Variants in PHC3 observed in about 807,000 individuals in gnomAD.
The protein encoded by PHC3 is polyhomeotic-like protein 3.
A neutral mutation model predicts 107.4 loss-of-function variants in PHC3; 13 were observed. The ratio of observed to expected loss-of-function variants is 0.12; its 90% CI spans 0.08 to 0.19. The LOEUF (loss-of-function observed/expected upper bound fraction) is 0.19. Ranked by LOEUF, PHC3 falls within the 10% of genes least tolerant of loss-of-function variation. PHC3 has a pLI of 1.00. For missense variants in PHC3, 992 were observed against 1,210.9 expected, an observed-to-expected ratio of 0.82 and a Z score of 2.68; for synonymous variants, 456 against 427.4, an observed-to-expected ratio of 1.07 and a Z score of -0.83.
intron 4 of PHC3, among the ~76,000 whole-genome samples, chr3:170,161,279 T>A (rs547578746): frequency 2.0e-5 from 3 of 152,184 alleles, no homozygotes; most frequent in Admixed American, 6.5e-5. Context: ...AAGGCTTACA[T>A]AAGATAAGGC....
chr3:170,119,684 T>C (rs1226943982), intron 9 of PHC3, among the ~76,000 whole-genome samples: 1 of 152,224 alleles, frequency 6.6e-6, no homozygotes, highest in Non-Finnish European at 1.5e-5. Context: ...TATCATTTAC[T>C]GAGCAAGAGA....
intron 8 of PHC3, chr3:170,128,236 A>T: frequency 2.2e-6 from 1 of 452,544 alleles, no homozygotes; most frequent in Non-Finnish European, 3.1e-6. Flanking sequence ...ATCCCCTAAA[A>T]GCCCAAGACT....
At chr3:170,125,508 C>A (rs2108439930) in intron 8 of PHC3, among the ~76,000 whole-genome samples, 1 of 152,272 alleles carries the variant, frequency 6.6e-6, no homozygotes, top group Non-Finnish European at 1.5e-5. Flanking sequence ...CTGAAACTCT[C>A]TTTAATCCTA....
chr3:170,157,364 G>C (rs1299040768), intron 4 of PHC3, among the ~76,000 whole-genome samples: 1 of 152,210 alleles, frequency 6.6e-6, no homozygotes, highest in Non-Finnish European at 1.5e-5. Flanking sequence ...AACCAACTAA[G>C]AAGACAGACG....
At position 170,090,096 on chromosome 3, in the gene PHC3, G is replaced by A. The variant is rs189894803; in HGVS notation, c.*7134C>T. On this transcript the variant is annotated 3_prime_UTR_variant, in exon 15 of 15. Transcript: ENST00000495893. ...TGTGAAATACGGGCTGTCTCAACCT[G>A]TAAGTCCTTAATGTTAAGTCTCCTA... 4 of 151,962 alleles carry A rather than the reference G, an allele frequency of 2.6e-5. No homozygotes were observed. Among genetic ancestry groups the A allele is most frequent in the Admixed American group, 2.6e-4 (4 of 15,276 alleles). 9.4% of individuals were successfully genotyped at this position (151,962 alleles called of 1,614,324 possible).
chr3:170,108,761 A>G (rs914572150), intron 11 of PHC3, among the ~76,000 whole-genome samples: 1 of 152,086 alleles, frequency 6.6e-6, no homozygotes, highest in African/African-American at 2.4e-5. Flanking sequence ...CTCAACCACC[A>G]CTGCCATTAG....
chr3:170,146,660 G>T (rs1373714980), intron 5 of PHC3, among the ~76,000 whole-genome samples: 1 of 149,770 alleles, frequency 6.7e-6, no homozygotes, highest in Non-Finnish European at 1.5e-5. Context: ...AGCTTCCCGA[G>T]TAGCTGGGAT....
intron 4 of PHC3, among the ~76,000 whole-genome samples, chr3:170,163,883 A>AGGC (rs1283845017): frequency 2.8e-5 from 4 of 141,436 alleles, no homozygotes; most frequent in African/African-American, 8.0e-5. Flanking sequence ...AAAAAAAAAA[A>AGGC]AGGCAGGCAG....
intron 11 of PHC3, among the ~76,000 whole-genome samples, chr3:170,112,041 G>C (rs759776715): frequency 6.6e-6 from 1 of 152,136 alleles, no homozygotes; most frequent in Non-Finnish European, 1.5e-5. Flanking sequence ...GAAGGGCCAT[G>C]ATCAAAAAGA....
At chr3:170,152,888 C>T (rs1178111442) in intron 4 of PHC3, among the ~76,000 whole-genome samples, 3 of 151,838 alleles carry the variant, frequency 2.0e-5, no homozygotes, top group Non-Finnish European at 4.4e-5. Flanking sequence ...CCTCAAACTC[C>T]TGGGCTCAAG....
Position 170,153,622 on chromosome 3 carries a change from G to A in PHC3, c.415-4378C>T, listed in dbSNP as rs558575387. 2.1e-3 allele frequency among the ~76,000 whole-genome samples: 314 copies of A among 152,120 alleles called. 1 individual carries two copies. Among genetic ancestry groups the A allele is most frequent in the African/African-American group, 7.0e-3 (292 of 41,498 alleles). On this transcript the variant is annotated intron_variant, in intron 4 of 14. Transcript: ENST00000495893. Reference sequence around the variant, plus strand: ...ACTAAAAATACAAAAAAATAGCCAGGCGTGGTGGCGGGTGCCTGTAGTCCC... The same window carrying A: ...ACTAAAAATACAAAAAAATAGCCAGACGTGGTGGCGGGTGCCTGTAGTCCC...
chr3:170,157,578 A>T (rs147069829), intron 4 of PHC3, among the ~76,000 whole-genome samples: 1,856 of 152,314 alleles, frequency 0.012, 40 homozygotes, highest in African/African-American at 0.042. Flanking sequence ...ATCCTTAAAA[A>T]CAATGAGTTC....
intron 9 of PHC3, among the ~76,000 whole-genome samples, chr3:170,117,741 T>G (rs1393568297): frequency 6.6e-6 from 1 of 151,438 alleles, no homozygotes; most frequent in Non-Finnish European, 1.5e-5. Context: ...CGCATGCCTG[T>G]AATGCCAGCA....
chr3:170,131,259 T>A (rs1422602791), intron 7 of PHC3, among the ~76,000 whole-genome samples: 1 of 152,086 alleles, frequency 6.6e-6, no homozygotes, highest in Non-Finnish European at 1.5e-5. Flanking sequence ...AAAACTGTGT[T>A]GATATAGACT....
intron 12 of PHC3, among the ~76,000 whole-genome samples, chr3:170,104,692 TAA>T (rs371286545): frequency 9.9e-5 from 15 of 152,196 alleles, no homozygotes; most frequent in African/African-American, 3.4e-4. Context: ...CTACATTTTA[TAA>T]AGATATCAAG....
chr3:170,180,235 T>C (rs558226350), intron 1 of PHC3, among the ~76,000 whole-genome samples: 1 of 151,544 alleles, frequency 6.6e-6, no homozygotes, highest in Non-Finnish European at 1.5e-5. Context: ...TGCTTGAGCT[T>C]AGGCGTTCAA....
chr3:170,166,288 C>T (rs1265254390), intron 4 of PHC3, among the ~76,000 whole-genome samples: 6 of 152,252 alleles, frequency 3.9e-5, no homozygotes, highest in African/African-American at 9.6e-5. Flanking sequence ...AAGTGATCTA[C>T]CTACCTCAGC....
Position 170,106,945 on chromosome 3 carries a change from C to T in PHC3, c.2355G>A (p.Glu785=), listed in dbSNP as rs531665359. 6.3e-7 allele frequency: 1 copy of T among 1,580,236 alleles called. No homozygotes were observed. Among genetic ancestry groups the T allele is most frequent in the Non-Finnish European group, 8.6e-7 (1 of 1,166,708 alleles). ...ACTCACTGTCCATTTCTTCTAATGT[C>T]TCTAAAAAAGAAGGAAACAAAGGAA... ...DTEMEDMIAE[E]TLEEMDSELL... is the part of the protein sequence containing the mutation. The change falls in exon 12 of 15, where the codon GAG becomes GAA. Residue 785 remains glutamate (E), a splice_region_variant and synonymous_variant. Transcript: ENST00000495893.
intron 2 of PHC3, among the ~76,000 whole-genome samples, chr3:170,176,438 C>T (rs915740387): frequency 6.6e-6 from 1 of 151,950 alleles, no homozygotes; most frequent in Non-Finnish European, 1.5e-5. Context: ...AAAAATGGAG[C>T]AGAGGAAGGA....
Sources: gnomAD v4.1 joint callset for allele counts (sites outside exome capture counted in the v4.1 genomes callset) on GRCh38, gnomAD v4.1.1 for gene constraint, MANE v1.5 for transcripts, NCBI Gene and HGNC (gene_info 2026-07-23, HGNC 2026-07-21) for gene names.